Variants in KCNIP4 observed in about 807,000 individuals in gnomAD.
The protein encoded by KCNIP4 is Kv channel-interacting protein 4.
Under a neutral mutation model 34.0 loss-of-function variants are expected in KCNIP4, and 12 were observed. That is an observed-to-expected ratio of 0.35 (90% confidence interval 0.23 to 0.57). The LOEUF is 0.57. Among genes scored for constraint, KCNIP4 ranks in the 20% least tolerant of loss-of-function variants. The probability of loss-of-function intolerance (pLI) is 0.83; values close to 1 mark genes in which losing one functional copy is unlikely to be tolerated. For synonymous variants in KCNIP4, 124 were observed against 102.2 expected (o/e 1.21, Z -1.29); for missense variants, 238 against 311.7 (o/e 0.76, Z 1.78).
chr4:21,343,014 C>T (rs551097309), intron 1 of KCNIP4, among the ~76,000 whole-genome samples: 4 of 151,998 alleles, frequency 2.6e-5, no homozygotes, highest in Non-Finnish European at 5.9e-5. Context: ...AGGACTACTT[C>T]CTGCTCTCCA....
intron 1 of KCNIP4, among the ~76,000 whole-genome samples, chr4:21,677,280 T>A (rs1017276137): frequency 1.3e-5 from 2 of 152,182 alleles, no homozygotes; most frequent in Admixed American, 1.3e-4. Flanking sequence ...ACTTGAAGAA[T>A]TCTATTTTAA....
At chr4:21,196,944 C>A (rs1756098088) in intron 1 of KCNIP4, among the ~76,000 whole-genome samples, 1 of 152,142 alleles carries the variant, frequency 6.6e-6, no homozygotes, top group African/African-American at 2.4e-5. Flanking sequence ...CATCCTTCTT[C>A]CCACTCAATC....
At chr4:20,811,512 TGTGC>T (rs760635198) in intron 3 of KCNIP4, among the ~76,000 whole-genome samples, 3,298 of 49,528 alleles carry the variant, frequency 0.067, 53 homozygotes, top group Admixed American at 0.1. Context: ...TGTGTGTGTG[TGTGC>T]GCGCGCGCAC....
chr4:21,135,043 G>C (rs1029589760), intron 1 of KCNIP4, among the ~76,000 whole-genome samples: 1 of 152,206 alleles, frequency 6.6e-6, no homozygotes, highest in Non-Finnish European at 1.5e-5. Flanking sequence ...CTCACATACG[G>C]ATTCAGGTAA....
At chr4:21,887,302 C>T (rs541704469) in intron 1 of KCNIP4, among the ~76,000 whole-genome samples, 1 of 152,134 alleles carries the variant, frequency 6.6e-6, no homozygotes, top group East Asian at 1.9e-4. Flanking sequence ...GGACTCTCTC[C>T]CTGGTTTGCA....
intron 2 of KCNIP4, among the ~76,000 whole-genome samples, chr4:20,870,411 A>C (rs1723322456): frequency 6.6e-6 from 1 of 152,024 alleles, no homozygotes; most frequent in Non-Finnish European, 1.5e-5. Context: ...CTCCCCAACC[A>C]TGCTTCCTTT....
intron 3 of KCNIP4, among the ~76,000 whole-genome samples, chr4:20,817,969 T>A (rs1716622506): frequency 6.6e-6 from 1 of 152,150 alleles, no homozygotes. Flanking sequence ...GGTAAAAAAA[T>A]TATTCTTTAG....
intron 1 of KCNIP4, among the ~76,000 whole-genome samples, chr4:20,960,287 C>A (rs1733723605): frequency 6.6e-6 from 1 of 152,032 alleles, no homozygotes; most frequent in Non-Finnish European, 1.5e-5. Context: ...CTTATGCCCT[C>A]CAGAGTTTTT....
At chr4:21,238,616 C>T (rs888754031) in intron 1 of KCNIP4, among the ~76,000 whole-genome samples, 5 of 152,138 alleles carry the variant, frequency 3.3e-5, no homozygotes, top group African/African-American at 9.7e-5. Flanking sequence ...CATGAGTGAA[C>T]TCCCATTCAC....
At chr4:20,812,278 G>C (rs1715868052) in intron 3 of KCNIP4, among the ~76,000 whole-genome samples, 1 of 152,140 alleles carries the variant, frequency 6.6e-6, no homozygotes, top group South Asian at 2.1e-4. Context: ...CTAGAGAAGT[G>C]AATGTTGGTG....
At chr4:21,821,713 TC>T (rs1722362535) in intron 1 of KCNIP4, among the ~76,000 whole-genome samples, 2 of 152,286 alleles carry the variant, frequency 1.3e-5, no homozygotes, top group East Asian at 1.9e-4. Flanking sequence ...TACCCGGTTG[TC>T]AATAATGATG....
rs76406343 is a variant in KCNIP4 at position 21,201,090 on chromosome 4, T to C, written c.62-318381A>G. Among the ~76,000 whole-genome samples, 13 of 152,342 alleles carry C rather than the reference T, an allele frequency of 8.5e-5. No homozygotes were observed. In the East Asian group the frequency reaches 2.5e-3, roughly 29 times the overall value. ...GGGCTTTAATCCACACTTTTCTCCC[T>C]ATAAGCTTTTCTTATGTAACTTACC... On this transcript the variant is annotated intron_variant, in intron 1 of 8. Transcript: ENST00000382152.
At chr4:21,741,049 C>A (rs1716366215) in intron 1 of KCNIP4, among the ~76,000 whole-genome samples, 3 of 151,892 alleles carry the variant, frequency 2.0e-5, no homozygotes, top group African/African-American at 7.3e-5. Flanking sequence ...AAAAATAAGC[C>A]CATGGTGGGC....
intron 1 of KCNIP4, among the ~76,000 whole-genome samples, chr4:21,265,553 G>A (rs1350354967): frequency 6.6e-6 from 1 of 152,134 alleles, no homozygotes; most frequent in Admixed American, 6.6e-5. Flanking sequence ...CTTAAATAAT[G>A]AACTATCACT....
chr4:21,664,039 G>A (rs1296576643), intron 1 of KCNIP4, among the ~76,000 whole-genome samples: 3 of 152,070 alleles, frequency 2.0e-5, no homozygotes, highest in African/African-American at 7.2e-5. Context: ...CTGCCTCCCT[G>A]GCTCAAGTGC....
intron 1 of KCNIP4, among the ~76,000 whole-genome samples, chr4:21,622,013 G>A (rs1185441335): frequency 1.3e-5 from 2 of 152,184 alleles, no homozygotes; most frequent in African/African-American, 4.8e-5. Flanking sequence ...AATACTGGGA[G>A]GCCAGGCAAC....
intron 1 of KCNIP4, among the ~76,000 whole-genome samples, chr4:21,492,130 T>C (rs1254767100): frequency 6.6e-6 from 1 of 152,218 alleles, no homozygotes; most frequent in Non-Finnish European, 1.5e-5. Context: ...CAAAAAGGAC[T>C]GAATTGTAAA....
Position 21,423,968 on chromosome 4 carries a change from C to T in KCNIP4, c.61+524603G>A, listed in dbSNP as rs79507678. ...GATTACAGGCGCGCGCCACCATGCCCGGCCAATTTTTTTTTTTTCTTTTTG... is the reference window on the plus strand; with the variant it reads ...GATTACAGGCGCGCGCCACCATGCCTGGCCAATTTTTTTTTTTTCTTTTTG... On this transcript the variant is annotated intron_variant, in intron 1 of 8. Transcript: ENST00000382152. Among the ~76,000 whole-genome samples, 86 of 140,894 alleles carry T rather than the reference C, an allele frequency of 6.1e-4. No individual in the cohort carries two copies. In the East Asian group the frequency reaches 0.013, roughly 21 times the overall value. 92.4% of individuals were successfully genotyped at this position (140,894 alleles called of 152,430 possible).
intron 1 of KCNIP4, among the ~76,000 whole-genome samples, chr4:21,638,568 G>A (rs758342948): frequency 3.9e-5 from 6 of 152,088 alleles, no homozygotes; most frequent in Non-Finnish European, 5.9e-5. Context: ...GCAACCTCCC[G>A]TGTAAATGCA....
Sources: gnomAD v4.1 joint callset for allele counts (sites outside exome capture counted in the v4.1 genomes callset) on GRCh38, gnomAD v4.1.1 for gene constraint, MANE v1.5 for transcripts, NCBI Gene and HGNC (gene_info 2026-07-23, HGNC 2026-07-21) for gene names.